COQ5: variants seen among roughly 807,000 people sequenced by gnomAD.
The protein encoded by COQ5 is coenzyme Q5, methyltransferase.
COQ5 carries 27 observed loss-of-function variants against 40.5 expected under a neutral mutation model. The observed-to-expected ratio is 0.67, with a 90% CI of 0.49 to 0.92. The LOEUF (loss-of-function observed/expected upper bound fraction) is 0.92, where lower values mean the gene tolerates loss of function less well. Among genes scored for constraint, COQ5 ranks in the 40% least tolerant of loss-of-function variants. The probability of loss-of-function intolerance (pLI) is 0.00; values close to 1 mark genes in which losing one functional copy is unlikely to be tolerated. For synonymous variants in COQ5, 141 were observed against 150.0 expected (o/e 0.94, Z 0.44); for missense variants, 409 against 406.4 (o/e 1.01, Z -0.06).
Position 120,522,270 on chromosome 12 carries a change from A to G in COQ5, c.296T>C (p.Leu99Pro). The G allele has an allele frequency of 6.2e-7, 1 of 1,614,166 alleles. No individual in the cohort carries two copies. The highest frequency in any genetic ancestry group is 2.2e-5 in the East Asian group (1 of 44,878). ...GIHRVWKDLL[L>P]WKMHPLPGTQ... Reference sequence around the variant, plus strand: ...CCCAGGAAGCGGGTGCATCTTCCAGAGCAGCAAATCCTTCCAAACACGATG... The same window carrying G: ...CCCAGGAAGCGGGTGCATCTTCCAGGGCAGCAAATCCTTCCAAACACGATG... Residue 99 changes from leucine (L) to proline (P), a missense_variant, in exon 2 of 7, where the codon CTC (leucine) becomes CCC (proline). Coordinates refer to ENST00000288532, the MANE Select transcript of COQ5 (RefSeq NM_032314.4).
At chr12:120,526,091 C>G (rs1024817292) in intron 1 of COQ5, among the ~76,000 whole-genome samples, 2 of 152,128 alleles carry the variant, frequency 1.3e-5, no homozygotes, top group African/African-American at 4.8e-5. Flanking sequence ...ACATAAAATA[C>G]ATTCTTTAGC....
chr12:120,511,285 T>C (rs1869129343), intron 3 of COQ5, among the ~76,000 whole-genome samples: 1 of 151,526 alleles, frequency 6.6e-6, no homozygotes, highest in African/African-American at 2.4e-5. Context: ...AAGTATGCCT[T>C]TTGACCCAGT....
intron 3 of COQ5, among the ~76,000 whole-genome samples, chr12:120,516,067 G>C (rs1869361682): frequency 1.3e-5 from 2 of 152,166 alleles, no homozygotes; most frequent in South Asian, 4.1e-4. Flanking sequence ...GAGATTATAG[G>C]TGTGAGCCAT....
chr12:120,519,533 C>T (rs956812223), intron 2 of COQ5, among the ~76,000 whole-genome samples: 5 of 151,586 alleles, frequency 3.3e-5, no homozygotes, highest in African/African-American at 1.2e-4. Context: ...GCACTCCAGC[C>T]GGGGCAACAG....
intron 4 of COQ5, among the ~76,000 whole-genome samples, chr12:120,508,147 C>T (rs950374600): frequency 2.6e-5 from 4 of 151,926 alleles, no homozygotes; most frequent in Non-Finnish European, 5.9e-5. Context: ...AGGTTCGTGC[C>T]GCCACGCCCA....
At chr12:120,511,846 GA>G (rs1593016823) in intron 3 of COQ5, among the ~76,000 whole-genome samples, 1 of 151,980 alleles carries the variant, frequency 6.6e-6, no homozygotes, top group Non-Finnish European at 1.5e-5. Flanking sequence ...AAACATTGGG[GA>G]AAAAAAGAAT....
chr12:120,526,698 A>ATTTTTTTT lies in COQ5; in HGVS notation c.202+2234_202+2241dup, dbSNP rs61584250. On this transcript the variant is annotated intron_variant, in intron 1 of 6. Transcript: ENST00000288532. ...AATAGTGCTCAAACTACTCTTGGCA[A>ATTTTTTTT]TTTTTTTTTTTTTTTTTTTTTTTTT... Among the ~76,000 whole-genome samples the ATTTTTTTT allele has an allele frequency of 1.0e-2, 641 of 64,140 alleles. 122 individuals are homozygous for ATTTTTTTT. The highest frequency in any genetic ancestry group is 0.013 in the Non-Finnish European group (509 of 39,546). The allele number at this position is 64,140 out of a possible 152,430, so 42.1% of individuals were successfully genotyped here.
chr12:120,526,130 C>T (rs1191720318), intron 1 of COQ5, among the ~76,000 whole-genome samples: 1 of 152,092 alleles, frequency 6.6e-6, no homozygotes, highest in East Asian at 1.9e-4. Flanking sequence ...ATAACAGATA[C>T]ACAACATGTT....
At chr12:120,526,648 T>C in intron 1 of COQ5, 1 of 269,924 alleles carries the variant, frequency 3.7e-6, no homozygotes, top group South Asian at 3.3e-5. Flanking sequence ...ATAGAAAAGA[T>C]ATTTCATACG....
chr12:120,507,360 C>A (rs1278560669), intron 4 of COQ5, among the ~76,000 whole-genome samples: 2 of 151,214 alleles, frequency 1.3e-5, no homozygotes, highest in Non-Finnish European at 3.0e-5. Context: ...TCTCAACTCA[C>A]CACAACCTCT....
intron 1 of COQ5, among the ~76,000 whole-genome samples, chr12:120,524,704 C>T (rs1473419779): frequency 2.0e-5 from 3 of 152,198 alleles, no homozygotes; most frequent in African/African-American, 7.2e-5. Context: ...AAATGTGCTA[C>T]ACAGATTGAA....
chr12:120,507,307 C>T (rs542696458), intron 4 of COQ5, among the ~76,000 whole-genome samples: 18 of 140,390 alleles, frequency 1.3e-4, no homozygotes, highest in South Asian at 4.6e-4. Context: ...TTTTTTGAGA[C>T]GGAGTCTCGT....
At chr12:120,514,745 AAACAAC>A (rs375392327) in intron 3 of COQ5, among the ~76,000 whole-genome samples, 302 of 147,924 alleles carry the variant, frequency 2.0e-3, no homozygotes, top group African/African-American at 6.0e-3. Flanking sequence ...TCTGTCTCAG[AAACAAC>A]AACAACAACA....
At chr12:120,516,355 T>A (rs1478490342) in intron 3 of COQ5, among the ~76,000 whole-genome samples, 1 of 152,130 alleles carries the variant, frequency 6.6e-6, no homozygotes, top group Non-Finnish European at 1.5e-5. Flanking sequence ...CCCAGTCACA[T>A]AGGGCTGGGT....
chr12:120,512,347 A>G (rs1305238528), intron 3 of COQ5, among the ~76,000 whole-genome samples: 14 of 152,242 alleles, frequency 9.2e-5, no homozygotes. Context: ...TCATGCCTGT[A>G]ACCCCAGCAC....
intron 2 of COQ5, among the ~76,000 whole-genome samples, chr12:120,518,469 T>C (rs932878329): frequency 6.6e-6 from 1 of 151,672 alleles, no homozygotes; most frequent in Non-Finnish European, 1.5e-5. Flanking sequence ...TCTTTGTTTT[T>C]CCTACACTAT....
At chr12:120,513,034 A>G (rs1029348899) in intron 3 of COQ5, among the ~76,000 whole-genome samples, 93 of 150,774 alleles carry the variant, frequency 6.2e-4, no homozygotes, top group Non-Finnish European at 1.1e-3. Context: ...TCCTGACCTG[A>G]GGTGATCCAC....
At position 120,503,769 on chromosome 12, in the gene COQ5, A is replaced by G. The variant is rs189894233; in HGVS notation, c.*15T>C. Reference sequence around the variant, plus strand: ...ACAGGATATGACTGGTTCATGCTCCATGATAGGAAAGGAATTAAAGTTTGA... The same window carrying G: ...ACAGGATATGACTGGTTCATGCTCCGTGATAGGAAAGGAATTAAAGTTTGA... On this transcript the variant is annotated 3_prime_UTR_variant, in exon 7 of 7. Transcript: ENST00000288532. 2.8e-4 allele frequency: 448 copies of G among 1,595,684 alleles called. No individual in the cohort carries two copies. In the African/African-American group the frequency reaches 5.4e-3, roughly 19 times the overall value.
At chr12:120,509,105 T>C (rs1254394252) in intron 4 of COQ5, among the ~76,000 whole-genome samples, 1 of 151,862 alleles carries the variant, frequency 6.6e-6, no homozygotes, top group African/African-American at 2.4e-5. Context: ...ACCAAGCTGA[T>C]GAACACCATA....
Sources: gnomAD v4.1 joint callset for allele counts (sites outside exome capture counted in the v4.1 genomes callset) on GRCh38, gnomAD v4.1.1 for gene constraint, MANE v1.5 for transcripts, NCBI Gene and HGNC (gene_info 2026-07-23, HGNC 2026-07-21) for gene names.